TMEM236: variants seen among roughly 807,000 people sequenced by gnomAD.
The protein encoded by TMEM236 is family with sequence similarity 23, member A.
Under a neutral mutation model 14.7 loss-of-function variants are expected in TMEM236, and 11 were observed. The ratio of observed to expected loss-of-function variants is 0.75; its 90% CI spans 0.47 to 1.24. TMEM236 has a LOEUF of 1.24. Ranked by LOEUF, TMEM236 falls within the 50% of genes most tolerant of loss-of-function variation. The pLI is 0.00. For missense variants in TMEM236, 464 were observed against 427.3 expected (o/e 1.09, Z -0.76); for synonymous variants, 182 against 168.6 (o/e 1.08, Z -0.62).
chr10:17,782,330 C>G (rs1181420040), intron 3 of TMEM236, among the ~76,000 whole-genome samples: 1 of 152,036 alleles, frequency 6.6e-6, no homozygotes, highest in Non-Finnish European at 1.5e-5. Flanking sequence ...ACCCTACAAA[C>G]TAGAAATTTG....
At chr10:17,772,258 T>C (rs1390452073) in intron 2 of TMEM236, among the ~76,000 whole-genome samples, 1 of 152,148 alleles carries the variant, frequency 6.6e-6, no homozygotes, top group Non-Finnish European at 1.5e-5. Context: ...AGAAATTACA[T>C]GGTTGTTAGA....
intron 3 of TMEM236, among the ~76,000 whole-genome samples, chr10:17,780,689 T>C (rs1402656976): frequency 2.0e-5 from 3 of 152,222 alleles, no homozygotes; most frequent in African/African-American, 7.2e-5. Context: ...AGCAGTGTTG[T>C]TGTCTGGGGT....
At chr10:17,763,917 C>T (rs1837417745) in intron 1 of TMEM236, among the ~76,000 whole-genome samples, 1 of 150,418 alleles carries the variant, frequency 6.6e-6, no homozygotes, top group South Asian at 2.1e-4. Context: ...GTTTCATCAC[C>T]TGTAAAAAAA....
At chr10:17,781,817 A>C (rs1837756262) in intron 3 of TMEM236, among the ~76,000 whole-genome samples, 2 of 151,624 alleles carry the variant, frequency 1.3e-5, no homozygotes, top group South Asian at 4.2e-4. Context: ...GTTTGGGAGA[A>C]GGGAGAGCTT....
intron 3 of TMEM236, among the ~76,000 whole-genome samples, chr10:17,793,817 A>G (rs1837966649): frequency 1.3e-5 from 2 of 152,198 alleles, no homozygotes; most frequent in Admixed American, 6.5e-5. Flanking sequence ...AAGAGGTGCA[A>G]TGGATACAAA....
intron 3 of TMEM236, among the ~76,000 whole-genome samples, chr10:17,789,744 C>T (rs1018832574): frequency 0.089 from 13,549 of 151,848 alleles, 648 homozygotes; most frequent in Non-Finnish European, 0.11. Flanking sequence ...GAGCCAGGGC[C>T]GGGCACGGTG....
chr10:17,779,227 C>T (rs895236907), intron 3 of TMEM236, among the ~76,000 whole-genome samples: 4 of 152,176 alleles, frequency 2.6e-5, no homozygotes, highest in Admixed American at 6.5e-5. Context: ...ACCATTTTTA[C>T]GGAGAGATAG....
intron 1 of TMEM236, among the ~76,000 whole-genome samples, chr10:17,754,924 T>TTTTTTTTATTTATTTA (rs1554833612): frequency 7.5e-5 from 11 of 146,774 alleles, no homozygotes; most frequent in South Asian, 4.4e-4. Flanking sequence ...CATACTGATG[T>TTTTTTTTATTTATTTA]TTTATTTATT....
chr10:17,787,818 T>C (rs1002790070), intron 3 of TMEM236, among the ~76,000 whole-genome samples: 4,964 of 152,292 alleles, frequency 0.033, 216 homozygotes, highest in East Asian at 0.21. Context: ...AAGAATGCAA[T>C]GACTCAGGTT....
intron 2 of TMEM236, among the ~76,000 whole-genome samples, chr10:17,772,403 G>C (rs1837587258): frequency 6.6e-6 from 1 of 152,180 alleles, no homozygotes; most frequent in Admixed American, 6.5e-5. Flanking sequence ...TTTCAATCTA[G>C]ATCTGTCTTT....
At chr10:17,762,961 C>T (rs1421940493) in intron 1 of TMEM236, among the ~76,000 whole-genome samples, 3 of 152,024 alleles carry the variant, frequency 2.0e-5, no homozygotes, top group South Asian at 2.1e-4. Flanking sequence ...CCTCCCTACA[C>T]GAATTCTTCA....
chr10:17,766,296 A>G (rs1348274694), intron 1 of TMEM236, among the ~76,000 whole-genome samples: 4 of 152,244 alleles, frequency 2.6e-5, no homozygotes, highest in Non-Finnish European at 5.9e-5. Flanking sequence ...TCTATCCAAC[A>G]GAGCACGGTA....
chr10:17,766,860 T>C (rs1377095869), intron 1 of TMEM236, among the ~76,000 whole-genome samples: 2 of 152,168 alleles, frequency 1.3e-5, no homozygotes, highest in African/African-American at 2.4e-5. Context: ...CTGTTGTTTT[T>C]TTTTGGCAAT....
At chr10:17,767,151 C>T (rs1837480409) in intron 1 of TMEM236, among the ~76,000 whole-genome samples, 1 of 152,094 alleles carries the variant, frequency 6.6e-6, no homozygotes, top group African/African-American at 2.4e-5. Flanking sequence ...CCATTTGACC[C>T]ATAATACTCA....
In TMEM236 at chr10:17,798,290, G is replaced by T; in HGVS notation, c.*1786G>T. 1 of 296,252 alleles carries T rather than the reference G, an allele frequency of 3.4e-6. No homozygotes were observed. Among genetic ancestry groups the T allele is most frequent in the South Asian group, 3.2e-5 (1 of 31,072 alleles). 18.4% of individuals were successfully genotyped at this position (296,252 alleles called of 1,614,324 possible). On this transcript the variant is annotated 3_prime_UTR_variant, in exon 4 of 4. Transcript: ENST00000377495. ...GTGGTGGCTCACACGTGTAATCCCA[G>T]CACTTTGGGAGGTTGAGGCAGGTAG...
intron 1 of TMEM236, among the ~76,000 whole-genome samples, chr10:17,757,670 A>G (rs1837303025): frequency 6.6e-6 from 1 of 151,152 alleles, no homozygotes; most frequent in Non-Finnish European, 1.5e-5. Flanking sequence ...ATTCCATACA[A>G]TTTCCTGTAT....
chr10:17,795,138 A>G (rs1164736213), intron 3 of TMEM236, among the ~76,000 whole-genome samples: 3 of 152,210 alleles, frequency 2.0e-5, no homozygotes, highest in African/African-American at 7.2e-5. Flanking sequence ...ACAAAATGAC[A>G]GGGCCTTTGT....
chr10:17,753,400 C>T (rs1837237524), intron 1 of TMEM236, among the ~76,000 whole-genome samples: 1 of 152,190 alleles, frequency 6.6e-6, no homozygotes, highest in African/African-American at 2.4e-5. Flanking sequence ...CTCCCTCCCA[C>T]CGTTCACCCT....
Position 17,798,232 on chromosome 10 carries a change from A to G in TMEM236, c.*1728A>G. On this transcript the variant is annotated 3_prime_UTR_variant, in exon 4 of 4. Coordinates refer to ENST00000377495, the MANE Select transcript of TMEM236 (RefSeq NM_001098844.3). ...TTAAGAATGAGACATATGGCTTAAG[A>G]ATGAAGCTTAAGAATTTGACATATG... The G allele has an allele frequency of 4.3e-6, 1 of 233,346 alleles. No individual in the cohort carries two copies. Among genetic ancestry groups the G allele is most frequent in the Non-Finnish European group, 8.5e-6 (1 of 117,486 alleles). 14.5% of individuals were successfully genotyped at this position (233,346 alleles called of 1,614,324 possible).
Sources: gnomAD v4.1 joint callset for allele counts (sites outside exome capture counted in the v4.1 genomes callset) on GRCh38, gnomAD v4.1.1 for gene constraint, MANE v1.5 for transcripts, NCBI Gene and HGNC (gene_info 2026-07-23, HGNC 2026-07-21) for gene names.